Variants in FRMD3 observed in about 807,000 individuals in gnomAD.
FRMD3 encodes FERM domain-containing protein 3.
Under a neutral mutation model 70.2 loss-of-function variants are expected in FRMD3, and 33 were observed. That is an observed-to-expected ratio of 0.47 (90% confidence interval 0.36 to 0.63). The LOEUF (loss-of-function observed/expected upper bound fraction) is 0.63, where lower values mean the gene tolerates loss of function less well. FRMD3 is among the 20% of genes least tolerant of loss of function. The pLI is 0.00. For synonymous variants in FRMD3, 279 were observed against 255.9 expected (o/e 1.09, Z -0.86); for missense variants, 632 against 711.4 (o/e 0.89, Z 1.27).
chr9:83,349,853 C>G (rs1372913881), intron 3 of FRMD3, 96 bp from the exon 4 acceptor site: 1 of 871,820 alleles, frequency 1.1e-6, no homozygotes, highest in Non-Finnish European at 1.8e-6. Context: ...GACAGACTAG[C>G]CTGGGGAGTG....
chr9:83,483,248 A>G (rs780568964), intron 1 of FRMD3, among the ~76,000 whole-genome samples: 1 of 152,096 alleles, frequency 6.6e-6, no homozygotes, highest in Non-Finnish European at 1.5e-5. Context: ...CTACTCTGCC[A>G]TGTGAAGGTA....
At chr9:83,393,724 C>T (rs545414143) in intron 1 of FRMD3, among the ~76,000 whole-genome samples, 8 of 151,948 alleles carry the variant, frequency 5.3e-5, no homozygotes, top group African/African-American at 7.2e-5. Flanking sequence ...CTAATGCTGC[C>T]GCTGATCTGA....
At chr9:83,280,520 G>A (rs1833939407) in intron 13 of FRMD3, among the ~76,000 whole-genome samples, 1 of 152,226 alleles carries the variant, frequency 6.6e-6, no homozygotes, top group Non-Finnish European at 1.5e-5. Flanking sequence ...AGAGCAGACA[G>A]TTCTCACATC....
At chr9:83,475,188 T>C (rs917518845) in intron 1 of FRMD3, among the ~76,000 whole-genome samples, 2 of 152,132 alleles carry the variant, frequency 1.3e-5, no homozygotes, top group Admixed American at 1.3e-4. Flanking sequence ...ACAGGTGATC[T>C]AGATATTGGG....
At chr9:83,321,598 A>C (rs1042891211) in intron 6 of FRMD3, among the ~76,000 whole-genome samples, 9 of 152,008 alleles carry the variant, frequency 5.9e-5, no homozygotes, top group Admixed American at 5.2e-4. Flanking sequence ...GTGGCCTACT[A>C]TATGGTCTAT....
intron 13 of FRMD3, among the ~76,000 whole-genome samples, chr9:83,267,777 G>T (rs12376739): frequency 0.24 from 36,877 of 151,772 alleles, 4,940 homozygotes; most frequent in African/African-American, 0.36. Flanking sequence ...TTTTTGGGAC[G>T]AAGCCTTTGG....
chr9:83,474,854 A>AT (rs1828356504), intron 1 of FRMD3, among the ~76,000 whole-genome samples: 3 of 151,966 alleles, frequency 2.0e-5, no homozygotes, highest in Admixed American at 6.6e-5. Flanking sequence ...TAGAGGGATG[A>AT]TAAACTAAGC....
chr9:83,500,508 A>G (rs866520715), intron 1 of FRMD3, among the ~76,000 whole-genome samples: 8,441 of 148,988 alleles, frequency 0.057, 363 homozygotes, highest in East Asian at 0.22. Context: ...GCGCGCACAC[A>G]CACACACACA....
In FRMD3 at chr9:83,319,807, T is replaced by C. The variant is rs189215744; in HGVS notation, c.597-6060A>G. ...TCTCTGCACAAGCTCTCTCTTTGCCTGCTGCCATCCATGTAAGATGTGACT... is the reference window on the plus strand; with the variant it reads ...TCTCTGCACAAGCTCTCTCTTTGCCCGCTGCCATCCATGTAAGATGTGACT... On this transcript the variant is annotated intron_variant, in intron 6 of 13. Coordinates refer to ENST00000304195, the MANE Select transcript of FRMD3 (RefSeq NM_174938.6). Among the ~76,000 whole-genome samples, 3 of 152,350 alleles carry C rather than the reference T, an allele frequency of 2.0e-5. No individual in the cohort carries two copies. In the East Asian group the frequency reaches 5.8e-4, roughly 29 times the overall value.
At chr9:83,373,012 C>T (rs1587786871) in intron 2 of FRMD3, 57 bp from the exon 3 acceptor site, 17 of 1,397,462 alleles carry the variant, frequency 1.2e-5, no homozygotes, top group Admixed American at 6.8e-5. Flanking sequence ...GACCATACAA[C>T]GAATACCTAA....
the FRMD3 span, among the ~76,000 whole-genome samples, chr9:83,580,727 C>A: frequency 6.6e-6 from 1 of 151,958 alleles, no homozygotes; most frequent in Non-Finnish European, 1.5e-5. Flanking sequence ...CAGTCAATAA[C>A]GTATACTTCA....
At chr9:83,388,341 T>C (rs532456697) in intron 2 of FRMD3, among the ~76,000 whole-genome samples, 107 of 152,008 alleles carry the variant, frequency 7.0e-4, no homozygotes, top group South Asian at 6.3e-4. Context: ...ATCAGGGACA[T>C]TGAGGAGGAG....
chr9:83,299,250 G>C lies in FRMD3; in HGVS notation c.927-64C>G. On this transcript the variant is annotated intron_variant, in intron 10 of 13. Transcript: ENST00000304195. Reference sequence around the variant, plus strand: ...GAAAGTCCACTTACAACATGCTATAGAGGTGTGGTGATGGGGTATTTTTAC... The same window carrying C: ...GAAAGTCCACTTACAACATGCTATACAGGTGTGGTGATGGGGTATTTTTAC... The C allele has an allele frequency of 3.0e-6, 3 of 1,002,540 alleles. No homozygotes were observed. The South Asian group carries it at 4.2e-5, about 14-fold the overall frequency. 62.1% of individuals were successfully genotyped at this position (1,002,540 alleles called of 1,614,324 possible).
intron 13 of FRMD3, among the ~76,000 whole-genome samples, chr9:83,262,951 G>A (rs901911517): frequency 1.3e-5 from 2 of 152,094 alleles, no homozygotes; most frequent in African/African-American, 4.8e-5. Flanking sequence ...GTTTTAAAAC[G>A]GGCATATGGG....
chr9:83,243,195 G>C (rs750084321), downstream of FRMD3: 12 of 1,550,064 alleles, frequency 7.7e-6, no homozygotes, highest in African/African-American at 1.4e-5. Flanking sequence ...GGTTCTGCTG[G>C]GTCTGTTTAC....
chr9:83,537,488 C>A lies in FRMD3; in HGVS notation c.147+597G>T, dbSNP rs936549774. 2.0e-5 allele frequency among the ~76,000 whole-genome samples: 3 copies of A among 152,228 alleles called. No homozygotes were observed. The highest frequency in any genetic ancestry group is 2.9e-5 in the Non-Finnish European group (2 of 68,044). On this transcript the variant is annotated intron_variant, in intron 1 of 13. Coordinates refer to ENST00000304195, the MANE Select transcript of FRMD3 (RefSeq NM_174938.6). The surrounding 1 kb of genome is among the most constrained non-coding windows in gnomAD (Gnocchi z 4.1). Reference sequence around the variant, plus strand: ...CGCGCGCTCCATCCCTCAAGGCTGGCGCCCAGGGCAGCCCGGCCTCTCTCA... The same window carrying A: ...CGCGCGCTCCATCCCTCAAGGCTGGAGCCCAGGGCAGCCCGGCCTCTCTCA...
chr9:83,259,140 TAGG>T (rs1832864752), intron 13 of FRMD3, among the ~76,000 whole-genome samples: 1 of 152,160 alleles, frequency 6.6e-6, no homozygotes, highest in African/African-American at 2.4e-5. Flanking sequence ...CTGAAATGTG[TAGG>T]AGAATTTCAC....
the FRMD3 span, among the ~76,000 whole-genome samples, chr9:83,561,030 G>T: frequency 3.3e-4 from 50 of 152,322 alleles, 3 homozygotes; most frequent in African/African-American, 1.2e-3. Context: ...TAAGAATGAA[G>T]TTAGGAAACA....
chr9:83,431,168 T>C (rs1193514173), intron 1 of FRMD3, among the ~76,000 whole-genome samples: 1 of 152,210 alleles, frequency 6.6e-6, no homozygotes, highest in Non-Finnish European at 1.5e-5. Flanking sequence ...GAATGTCCAA[T>C]AGCGTGGATG....
Sources: allele counts gnomAD v4.1 joint callset (sites outside exome capture counted in the v4.1 genomes callset), GRCh38; gene constraint gnomAD v4.1.1; non-coding constraint Gnocchi (gnomAD v3.1); transcripts MANE v1.5; gene names NCBI Gene and HGNC (gene_info 2026-07-23, HGNC 2026-07-21).